The following ADCY8 variants were observed in gnomAD, a reference collection of about 807,000 sequenced individuals.
The protein encoded by ADCY8 is adenylate cyclase type 8.
Under a neutral mutation model 119.7 loss-of-function variants are expected in ADCY8, and 51 were observed. The observed-to-expected ratio is 0.43, with a 90% CI of 0.34 to 0.54. The LOEUF (loss-of-function observed/expected upper bound fraction) is 0.54, where lower values mean the gene tolerates loss of function less well. Among genes scored for constraint, ADCY8 ranks in the 20% least tolerant of loss-of-function variants. The pLI, the probability that ADCY8 is intolerant of heterozygous loss-of-function variation, is 0.03. For synonymous variants in ADCY8, 665 were observed against 651.0 expected (o/e 1.02, Z -0.33); for missense variants, 1,383 against 1,598.8 (o/e 0.87, Z 2.30).
At chr8:130,899,266 A>G (rs1396433826) in intron 7 of ADCY8, among the ~76,000 whole-genome samples, 1 of 151,988 alleles carries the variant, frequency 6.6e-6, no homozygotes, top group Non-Finnish European at 1.5e-5. Context: ...CCTTCATTAC[A>G]CTTATATGTT....
chr8:130,808,650 T>A (rs1002712469), intron 14 of ADCY8, among the ~76,000 whole-genome samples: 1 of 152,166 alleles, frequency 6.6e-6, no homozygotes, highest in Non-Finnish European at 1.5e-5. Context: ...CACACGGCCT[T>A]TCTATAATGA....
At chr8:130,805,777 G>A (rs188485210) in intron 14 of ADCY8, among the ~76,000 whole-genome samples, 2 of 152,306 alleles carry the variant, frequency 1.3e-5, no homozygotes, top group Admixed American at 1.3e-4. Flanking sequence ...TGGCTGGCAG[G>A]GAGCCTGGAG....
chr8:131,000,055 C>T (rs992441900), intron 1 of ADCY8, among the ~76,000 whole-genome samples: 2 of 151,972 alleles, frequency 1.3e-5, no homozygotes, highest in African/African-American at 4.8e-5. Context: ...TTACAAAGTC[C>T]CTTTCATACA....
chr8:130,959,787 G>A (rs1042705556), intron 2 of ADCY8, among the ~76,000 whole-genome samples: 3 of 152,174 alleles, frequency 2.0e-5, no homozygotes, highest in Non-Finnish European at 4.4e-5. Flanking sequence ...TGATTGAAGA[G>A]GGCACAGCAT....
intron 4 of ADCY8, 90 bp downstream of exon 4, chr8:130,943,260 TG>T: frequency 1.1e-6 from 1 of 897,174 alleles, no homozygotes. Flanking sequence ...GTAATGACAT[TG>T]GGGAAGAAGG....
chr8:131,039,836 C>G lies in ADCY8; in HGVS notation c.498G>C (p.Leu166Phe), dbSNP rs755362129. 2.5e-6 allele frequency: 4 copies of G among 1,614,052 alleles called. No individual in the cohort carries two copies. Among genetic ancestry groups the G allele is most frequent in the Non-Finnish European group, 3.4e-6 (4 of 1,180,034 alleles). The change falls in exon 1 of 18, where the codon TTG becomes TTC. Residue 166 changes from leucine to phenylalanine, a missense_variant. This residue lies in a region of ADCY8 where 455 missense variants were observed against 435.3 expected (regional missense o/e 1.05). Transcript: ENST00000286355. ...TLRNSFKSRD[L>F]ERLYQRYFLG... ...AGAAATAGCGCTGGTAGAGGCGTTC[C>G]AAATCCCGAGATTTGAAGGAGTTGC...
chr8:130,903,919 C>T lies in ADCY8; in HGVS notation c.1764G>A (p.Lys588=), dbSNP rs554713714. 146 of 1,614,132 alleles carry T rather than the reference C, an allele frequency of 9.0e-5. No homozygotes were observed. The South Asian group carries it at 1.5e-3, about 17-fold the overall frequency. The change falls in exon 7 of 18, where the codon AAG becomes AAA. Residue 588 remains lysine, a synonymous_variant. Coordinates refer to ENST00000286355, the MANE Select transcript of ADCY8 (RefSeq NM_001115.3). The part of the protein sequence containing the change: ...RKHNIETYLI[K]QPEDSLLSLP... ...AGGACAGCAGACTGTCCTCAGGCTG[C>T]TTAATTAAGTAAGTTTCGATATTAT...
chr8:130,922,518 G>T (rs1046571362), intron 5 of ADCY8, among the ~76,000 whole-genome samples: 11 of 151,988 alleles, frequency 7.2e-5, no homozygotes, highest in African/African-American at 2.7e-4. Context: ...GAGAGCACAG[G>T]GTTGGGGGTA....
intron 1 of ADCY8, among the ~76,000 whole-genome samples, chr8:131,036,617 G>T (rs376972181): frequency 3.8e-4 from 58 of 152,218 alleles, no homozygotes; most frequent in South Asian, 2.9e-3. Flanking sequence ...AAACAAATAA[G>T]ATAATTTCAG....
Position 130,843,503 on chromosome 8 carries a change from T to C in ADCY8, c.2502+3921A>G, listed in dbSNP as rs141427582. ...ACCTTGGTTTCCTCTTCCTGAGCCA[T>C]AGTCTAAAAATTCTCTTAAAGCAAT... On this transcript the variant is annotated intron_variant, in intron 11 of 17. Coordinates refer to ENST00000286355, the MANE Select transcript of ADCY8 (RefSeq NM_001115.3). Among the ~76,000 whole-genome samples the C allele has an allele frequency of 1.4e-3, 214 of 152,324 alleles. 3 individuals are homozygous for C. The highest frequency in any genetic ancestry group is 4.8e-3 in the African/African-American group (200 of 41,578).
chr8:131,019,974 C>T (rs1308878544), intron 1 of ADCY8, among the ~76,000 whole-genome samples: 3 of 151,944 alleles, frequency 2.0e-5, no homozygotes, highest in Non-Finnish European at 4.4e-5. Flanking sequence ...GAGAAAGGTT[C>T]CTTGAGCTGA....
chr8:130,952,480 T>C (rs766741597), intron 2 of ADCY8, among the ~76,000 whole-genome samples: 56 of 152,246 alleles, frequency 3.7e-4, no homozygotes, highest in Non-Finnish European at 6.2e-4. Flanking sequence ...TTAAAAATAA[T>C]AACTACAAAT....
At chr8:130,959,502 T>G (rs1821534762) in intron 2 of ADCY8, among the ~76,000 whole-genome samples, 1 of 152,206 alleles carries the variant, frequency 6.6e-6, no homozygotes, top group Admixed American at 6.5e-5. Context: ...TAGAGAACAT[T>G]GGTGAACAGA....
At chr8:130,873,683 A>G (rs1169811588) in intron 8 of ADCY8, among the ~76,000 whole-genome samples, 1 of 152,060 alleles carries the variant, frequency 6.6e-6, no homozygotes, top group Non-Finnish European at 1.5e-5. Context: ...AATGAATTGT[A>G]TTTGTCATCT....
intron 1 of ADCY8, among the ~76,000 whole-genome samples, chr8:131,020,548 G>A (rs758259188): frequency 4.6e-5 from 7 of 152,224 alleles, no homozygotes; most frequent in Non-Finnish European, 1.0e-4. Context: ...ATAGTTTGAT[G>A]TAAATATCCA....
intron 14 of ADCY8, among the ~76,000 whole-genome samples, chr8:130,810,347 TACACACACACACACACAC>T (rs58781726): frequency 4.9e-5 from 7 of 142,654 alleles, no homozygotes; most frequent in African/African-American, 1.3e-4. Flanking sequence ...TCTCTTTTTC[TACACACACACACACACAC>T]ACACACACAC....
At chr8:130,960,568 C>A (rs545262314) in intron 2 of ADCY8, among the ~76,000 whole-genome samples, 1 of 151,876 alleles carries the variant, frequency 6.6e-6, no homozygotes, top group Non-Finnish European at 1.5e-5. Flanking sequence ...TAGGCACAGG[C>A]GAGAATGATA....
intron 14 of ADCY8, among the ~76,000 whole-genome samples, chr8:130,805,529 G>A (rs402620): frequency 0.7 from 106,974 of 151,870 alleles, 37,704 homozygotes; most frequent in Middle Eastern, 0.73. Context: ...GTGGTATCCT[G>A]CTGGAGGTTG....
chr8:130,950,149 C>T (rs957702516), intron 3 of ADCY8, among the ~76,000 whole-genome samples: 3 of 152,144 alleles, frequency 2.0e-5, no homozygotes, highest in African/African-American at 7.2e-5. Flanking sequence ...AGGTTTGTCA[C>T]TTTTGAAGTT....
Sources: allele counts gnomAD v4.1 joint callset (sites outside exome capture counted in the v4.1 genomes callset), GRCh38; gene constraint gnomAD v4.1.1; regional missense constraint gnomAD v4.1.1; transcripts MANE v1.5; gene names NCBI Gene and HGNC (gene_info 2026-07-23, HGNC 2026-07-21).